The following DAB1 variants were observed in gnomAD, a reference collection of about 807,000 sequenced individuals.
DAB1 encodes the protein DAB adaptor protein 1, also known as disabled homolog 1.
DAB1 carries 15 observed loss-of-function variants against 64.6 expected under a neutral mutation model. The ratio of observed to expected loss-of-function variants is 0.23; its 90% CI spans 0.16 to 0.36. DAB1 has a LOEUF of 0.36. Among genes scored for constraint, DAB1 ranks in the 10% least tolerant of loss-of-function variants. The pLI is 1.00. For missense variants in DAB1, 596 were observed against 706.7 expected, an observed-to-expected ratio of 0.84 and a Z score of 1.78; for synonymous variants, 235 against 251.9, an observed-to-expected ratio of 0.93 and a Z score of 0.64.
chr1:58,393,844 T>C lies in DAB1; in HGVS notation n.258-50441A>G, dbSNP rs567444448. Among the ~76,000 whole-genome samples the C allele has an allele frequency of 1.8e-4, 27 of 152,328 alleles. No individual in the cohort carries two copies. The South Asian group carries it at 5.4e-3, about 30-fold the overall frequency. ...ACTATAATAAATAATCCATTGTATATTTCAAATTGCTAAAAGAGTAGATTT... is the reference window on the plus strand; with the variant it reads ...ACTATAATAAATAATCCATTGTATACTTCAAATTGCTAAAAGAGTAGATTT... On this transcript the variant is annotated intron_variant and non_coding_transcript_variant, in intron 3 of 20. Transcript: ENST00000485760.
chr1:57,281,313 A>T (rs1671868659), intron 2 of DAB1, among the ~76,000 whole-genome samples: 2 of 152,226 alleles, frequency 1.3e-5, no homozygotes, highest in Admixed American at 1.3e-4. Flanking sequence ...GGTGGGTTGC[A>T]GTGGGTCACC....
intron 5 of DAB1, among the ~76,000 whole-genome samples, chr1:58,104,575 C>T (rs575010378): frequency 3.3e-5 from 5 of 152,228 alleles, no homozygotes; most frequent in Non-Finnish European, 2.9e-5. Flanking sequence ...GTGAGACAGC[C>T]GGTTCAGAAA....
intron 3 of DAB1, among the ~76,000 whole-genome samples, chr1:58,384,523 C>T (rs1644417243): frequency 6.6e-6 from 1 of 152,064 alleles, no homozygotes; most frequent in Admixed American, 6.5e-5. Flanking sequence ...TCAGGGTTCT[C>T]TAGAGGGACA....
At chr1:57,932,635 C>T (rs370698091) in intron 5 of DAB1, among the ~76,000 whole-genome samples, 3 of 152,100 alleles carry the variant, frequency 2.0e-5, no homozygotes, top group African/African-American at 7.2e-5. Flanking sequence ...AGTGCCTGTA[C>T]GTTAAGGATC....
intron 4 of DAB1, among the ~76,000 whole-genome samples, chr1:58,332,738 T>G (rs1288225628): frequency 6.6e-6 from 1 of 152,088 alleles, no homozygotes; most frequent in Non-Finnish European, 1.5e-5. Context: ...TGGCTGGACA[T>G]GAAGAAAAAC....
intron 4 of DAB1, among the ~76,000 whole-genome samples, chr1:57,100,034 A>G (rs1193592192): frequency 6.6e-6 from 1 of 152,148 alleles, no homozygotes; most frequent in African/African-American, 2.4e-5. Flanking sequence ...TCTATTCACA[A>G]ACAAAAGGTC....
At chr1:57,559,018 C>G (rs1645021619) in intron 7 of DAB1, among the ~76,000 whole-genome samples, 1 of 152,172 alleles carries the variant, frequency 6.6e-6, no homozygotes, top group South Asian at 2.1e-4. Context: ...AGTAACTCAG[C>G]TACAAAATTT....
chr1:58,082,596 C>G (rs1237551982), intron 5 of DAB1, among the ~76,000 whole-genome samples: 1 of 152,064 alleles, frequency 6.6e-6, no homozygotes, highest in Non-Finnish European at 1.5e-5. Flanking sequence ...TGGTGGAGAG[C>G]AGCATCACAG....
intron 7 of DAB1, among the ~76,000 whole-genome samples, chr1:57,527,065 G>A (rs1398417323): frequency 6.6e-6 from 1 of 152,112 alleles, no homozygotes; most frequent in Non-Finnish European, 1.5e-5. Context: ...TCTCTCTCCT[G>A]TGTTCCAATC....
At chr1:58,015,460 T>C (rs1646725472) in intron 5 of DAB1, among the ~76,000 whole-genome samples, 1 of 152,188 alleles carries the variant, frequency 6.6e-6, no homozygotes, top group African/African-American at 2.4e-5. Context: ...TACTTCTGAT[T>C]ATGCTACCTT....
chr1:57,213,998 CAATGCAGTGGGATCTATTAAGTAT>C (rs1298698567), intron 2 of DAB1, among the ~76,000 whole-genome samples: 1 of 152,178 alleles, frequency 6.6e-6, no homozygotes, highest in African/African-American at 2.4e-5. Flanking sequence ...AAGGTAATTG[CAATGCAGTGGGATCTATTAAGTAT>C]AATGCAGTCA....
chr1:57,852,510 C>A (rs554533795), intron 1 of DAB1, among the ~76,000 whole-genome samples: 1 of 152,166 alleles, frequency 6.6e-6, no homozygotes, highest in East Asian at 2.0e-4. Flanking sequence ...GTGGTGAATG[C>A]CCACATCACC....
chr1:57,042,812 T>C (rs1271204889), intron 9 of DAB1, among the ~76,000 whole-genome samples: 4 of 152,102 alleles, frequency 2.6e-5, no homozygotes, highest in African/African-American at 7.2e-5. Context: ...ATGCTTGGCA[T>C]GTATGTGCAT....
chr1:58,261,602 A>C (rs1661049641), intron 4 of DAB1, among the ~76,000 whole-genome samples: 1 of 152,218 alleles, frequency 6.6e-6, no homozygotes. Flanking sequence ...GAGAAAGGCC[A>C]GATTCATGCA....
chr1:58,375,292 A>G (rs1184709994), intron 3 of DAB1, among the ~76,000 whole-genome samples: 1 of 144,386 alleles, frequency 6.9e-6, no homozygotes, highest in Non-Finnish European at 1.5e-5. Flanking sequence ...GTTTTTGCCC[A>G]TTCAGTATGA....
chr1:58,034,742 G>A (rs146660869), intron 5 of DAB1, among the ~76,000 whole-genome samples: 2 of 152,306 alleles, frequency 1.3e-5, no homozygotes, highest in East Asian at 3.9e-4. Context: ...ACTGATCTGA[G>A]TCTTCCTGGT....
At chr1:58,452,406 AAAG>A (rs932720224) in intron 3 of DAB1, among the ~76,000 whole-genome samples, 1 of 152,154 alleles carries the variant, frequency 6.6e-6, no homozygotes, top group Non-Finnish European at 1.5e-5. Flanking sequence ...GCTAAAAAAA[AAAG>A]AAGACAAAGC....
rs576516266 is a variant in DAB1 at position 57,212,755 on chromosome 1, A to C, written c.68-67326T>G. ...CTTCCTATGAAATAGGTAGGGTTTT[A>C]TTGTTACCTCATTTTAAACCAAGGG... On this transcript the variant is annotated intron_variant, in intron 2 of 14. Coordinates refer to ENST00000371236, the MANE Select transcript of DAB1 (RefSeq NM_001365792.1). 2.0e-5 allele frequency among the ~76,000 whole-genome samples: 3 copies of C among 152,214 alleles called. No individual in the cohort carries two copies. In the South Asian group the frequency reaches 6.2e-4, roughly 32 times the overall value.
chr1:57,701,019 A>C (rs1260418494), intron 6 of DAB1, among the ~76,000 whole-genome samples: 1 of 152,152 alleles, frequency 6.6e-6, no homozygotes, highest in African/African-American at 2.4e-5. Flanking sequence ...ATCTCACACC[A>C]GTTAGAATGG....
Sources: allele counts gnomAD v4.1 joint callset (sites outside exome capture counted in the v4.1 genomes callset), GRCh38; gene constraint gnomAD v4.1.1; transcripts MANE v1.5; gene names NCBI Gene and HGNC (gene_info 2026-07-23, HGNC 2026-07-21).